ITFG1: variants seen among roughly 807,000 people sequenced by gnomAD.
ITFG1 encodes the protein integrin alpha FG-GAP repeat containing 1, also known as T-cell immunomodulatory protein.
Under a neutral mutation model 81.8 loss-of-function variants are expected in ITFG1, and 34 were observed. The ratio of observed to expected loss-of-function variants is 0.42; its 90% CI spans 0.32 to 0.55. The LOEUF is 0.55. ITFG1 is among the 20% of genes least tolerant of loss of function. The pLI is 0.17. For missense variants in ITFG1, 672 were observed against 755.4 expected, an observed-to-expected ratio of 0.89 and a Z score of 1.29; for synonymous variants, 285 against 270.6, an observed-to-expected ratio of 1.05 and a Z score of -0.52.
At chr16:47,359,622 A>G (rs1968083998) in intron 8 of ITFG1, among the ~76,000 whole-genome samples, 1 of 152,132 alleles carries the variant, frequency 6.6e-6, no homozygotes, top group East Asian at 1.9e-4. Context: ...ATAAAATCCA[A>G]ACTCCTTGTT....
chr16:47,402,632 T>A (rs1039268507), intron 6 of ITFG1, among the ~76,000 whole-genome samples: 1 of 152,248 alleles, frequency 6.6e-6, no homozygotes. Context: ...CCACTTGGTA[T>A]CAAATGCCCA....
chr16:47,366,718 C>T (rs1968182151), intron 7 of ITFG1, among the ~76,000 whole-genome samples: 1 of 152,148 alleles, frequency 6.6e-6, no homozygotes, highest in South Asian at 2.1e-4. Flanking sequence ...GTTTGAGATA[C>T]TGACTCTGAT....
intron 13 of ITFG1, among the ~76,000 whole-genome samples, chr16:47,237,244 AAATGAGACAAT>A (rs1405999995): frequency 2.6e-5 from 4 of 152,256 alleles, no homozygotes; most frequent in Admixed American, 6.5e-5. Flanking sequence ...ACTGTTAAGA[AAATGAGACAAT>A]AATGAGAACA....
chr16:47,321,034 A>G (rs1967440442), intron 8 of ITFG1, among the ~76,000 whole-genome samples: 1 of 152,228 alleles, frequency 6.6e-6, no homozygotes, highest in South Asian at 2.1e-4. Flanking sequence ...AAAAACAAAA[A>G]TAAATCAGTG....
At chr16:47,234,384 A>T (rs896552863) in intron 13 of ITFG1, among the ~76,000 whole-genome samples, 1 of 152,226 alleles carries the variant, frequency 6.6e-6, no homozygotes, top group Non-Finnish European at 1.5e-5. Context: ...GGTAGATTGG[A>T]CATGACCTAA....
chr16:47,407,420 C>T (rs982235575), intron 6 of ITFG1, among the ~76,000 whole-genome samples: 6 of 151,486 alleles, frequency 4.0e-5, no homozygotes, highest in East Asian at 1.9e-4. Flanking sequence ...GGTGTGATCT[C>T]GGCTCACTGC....
intron 8 of ITFG1, among the ~76,000 whole-genome samples, chr16:47,320,999 A>G (rs1967439981): frequency 6.6e-6 from 1 of 152,226 alleles, no homozygotes; most frequent in Non-Finnish European, 1.5e-5. Flanking sequence ...AAATATTTCT[A>G]TCTACAATCT....
chr16:47,220,885 T>C (rs1202040555), intron 13 of ITFG1, among the ~76,000 whole-genome samples: 2 of 152,212 alleles, frequency 1.3e-5, no homozygotes, highest in African/African-American at 4.8e-5. Flanking sequence ...AAATCAACTT[T>C]TTCAGAACTT....
chr16:47,178,840 T>G (rs953263970), intron 14 of ITFG1, among the ~76,000 whole-genome samples: 2 of 152,200 alleles, frequency 1.3e-5, no homozygotes, highest in African/African-American at 4.8e-5. Context: ...GACAAAGGGC[T>G]AATATCCAGA....
intron 13 of ITFG1, among the ~76,000 whole-genome samples, chr16:47,233,435 G>C (rs1386076657): frequency 6.6e-6 from 1 of 152,172 alleles, no homozygotes; most frequent in East Asian, 1.9e-4. Flanking sequence ...AGGGCAGGGG[G>C]GAACCCTCAC....
intron 8 of ITFG1, among the ~76,000 whole-genome samples, chr16:47,350,399 A>G (rs1181733215): frequency 2.0e-5 from 3 of 152,268 alleles, no homozygotes; most frequent in African/African-American, 7.2e-5. Context: ...CCGATCCCAC[A>G]GAAATACAAA....
intron 14 of ITFG1, among the ~76,000 whole-genome samples, chr16:47,198,555 G>T (rs1028989662): frequency 2.0e-5 from 3 of 152,132 alleles, no homozygotes; most frequent in African/African-American, 7.2e-5. Flanking sequence ...TTCTTTTAGG[G>T]TGTACTCCAT....
chr16:47,213,479 C>T (rs528263575), intron 14 of ITFG1, among the ~76,000 whole-genome samples: 26 of 151,964 alleles, frequency 1.7e-4, no homozygotes, highest in South Asian at 1.2e-3. Flanking sequence ...AACTGTTTGC[C>T]AAATCTTGAG....
rs1222007051 is a variant in ITFG1 at position 47,376,964 on chromosome 16, C to CAAAAAAAAAAAAAAAAAAA, written c.656-1043_656-1025dup. Among the ~76,000 whole-genome samples, 16 of 18,074 alleles carry CAAAAAAAAAAAAAAAAAAA rather than the reference C, an allele frequency of 8.9e-4. 5 individuals are homozygous for CAAAAAAAAAAAAAAAAAAA. The highest frequency in any genetic ancestry group is 1.6e-3 in the African/African-American group (13 of 8,054). The allele number at this position is 18,074 out of a possible 152,430, so 11.9% of individuals were successfully genotyped here. A position where few individuals can be genotyped will look rare whatever the true frequency, so the allele number is the denominator to read the frequency against. ...GAGACAGAGGGAGACTCTGTCTCCC[C>CAAAAAAAAAAAAAAAAAAA]AAAAAAAAAAAAAAAAAAAAAAAAA... On this transcript the variant is annotated intron_variant, in intron 6 of 17. Transcript: ENST00000320640.
intron 14 of ITFG1, among the ~76,000 whole-genome samples, chr16:47,194,533 A>G (rs913954093): frequency 6.6e-5 from 10 of 152,326 alleles, no homozygotes; most frequent in African/African-American, 2.2e-4. Flanking sequence ...GAAGTCAGTC[A>G]CTTATAAACA....
At chr16:47,320,166 CT>C (rs1167606587) in intron 8 of ITFG1, among the ~76,000 whole-genome samples, 1 of 152,216 alleles carries the variant, frequency 6.6e-6, no homozygotes, top group Non-Finnish European at 1.5e-5. Flanking sequence ...AATGTTTTAA[CT>C]TTTTGCCAGT....
At chr16:47,396,058 T>C (rs1968588699) in intron 6 of ITFG1, 1 of 506,906 alleles carries the variant, frequency 2.0e-6, no homozygotes, top group Non-Finnish European at 2.5e-6. Flanking sequence ...ATCCAAAGGA[T>C]ATTCCTTTAC....
intron 14 of ITFG1, among the ~76,000 whole-genome samples, chr16:47,164,004 T>C (rs1964852137): frequency 6.6e-6 from 1 of 151,340 alleles, no homozygotes; most frequent in East Asian, 1.9e-4. Context: ...TGTAGGCACA[T>C]TTTCTGTTGT....
intron 13 of ITFG1, among the ~76,000 whole-genome samples, chr16:47,222,764 G>A (rs1480241469): frequency 6.6e-6 from 1 of 152,206 alleles, no homozygotes; most frequent in Non-Finnish European, 1.5e-5. Flanking sequence ...TGTGGTCTGA[G>A]AGATAAGTTT....
Sources: gnomAD v4.1 joint callset for allele counts (sites outside exome capture counted in the v4.1 genomes callset) on GRCh38, gnomAD v4.1.1 for gene constraint, MANE v1.5 for transcripts, NCBI Gene and HGNC (gene_info 2026-07-23, HGNC 2026-07-21) for gene names.